RHOBTB2: variants seen among roughly 807,000 people sequenced by gnomAD.
The protein encoded by RHOBTB2 is rho-related BTB domain-containing protein 2.
A neutral mutation model predicts 66.5 loss-of-function variants in RHOBTB2; 39 were observed. The ratio of observed to expected loss-of-function variants is 0.59; its 90% CI spans 0.45 to 0.77. RHOBTB2 has a LOEUF of 0.77. Ranked by LOEUF, RHOBTB2 falls within the 30% of genes least tolerant of loss-of-function variation. RHOBTB2 has a pLI of 0.00. For missense variants in RHOBTB2, 755 were observed against 999.1 expected (o/e 0.76, Z 3.29); for synonymous variants, 390 against 395.0 (o/e 0.99, Z 0.15).
In RHOBTB2 at chr8:23,004,490, T is replaced by C. The variant is rs1810887469; in HGVS notation, c.56T>C (p.Val19Ala). Residue 19 changes from valine to alanine, a missense_variant, in exon 2 of 10, where the codon GTG becomes GCG. Physicochemically the swap from Val to Ala is moderately conservative, Grantham distance 64. Transcript: ENST00000251822. This position sits in a 1 kb window ranked among gnomAD's most constrained non-coding sequence, Gnocchi z 6.4. ...AACGTAGAGACCATCAAGTGCGTTG[T>C]GGTGGGGGACAACGCCGTGGGTAAG... ...RPNVETIKCV[V>A]VGDNAVGKTR... 3.7e-6 allele frequency: 6 copies of C among 1,614,224 alleles called. No homozygotes were observed. The Middle Eastern group carries it at 4.9e-4, about 133-fold the overall frequency.
chr8:22,953,485 C>A, the RHOBTB2 span, among the ~76,000 whole-genome samples: 64 of 152,350 alleles, frequency 4.2e-4, no homozygotes, highest in Non-Finnish European at 7.2e-4. Context: ...CAATATCAGA[C>A]CTTGCTCTTG....
intron 2 of RHOBTB2, among the ~76,000 whole-genome samples, chr8:22,992,852 G>A (rs1377343906): frequency 6.6e-6 from 1 of 152,228 alleles, no homozygotes; most frequent in Non-Finnish European, 1.5e-5. Flanking sequence ...TTCCTGGGAG[G>A]CAGGGCCAGG....
At position 23,017,494 on chromosome 8, in the gene RHOBTB2, T is replaced by C. The variant is rs774442733; in HGVS notation, c.*25T>C. On this transcript the variant is annotated 3_prime_UTR_variant, in exon 10 of 10. Coordinates refer to ENST00000251822, the MANE Select transcript of RHOBTB2 (RefSeq NM_015178.3). The surrounding 1 kb of genome is among the most constrained non-coding windows in gnomAD (Gnocchi z 5.3). ...AGATGCTGCCACCCTCTTCTGACCC[T>C]GCTGCTGTTGTCCCCATCCGCCTTC... The C allele has an allele frequency of 4.5e-6, 7 of 1,557,894 alleles. No individual in the cohort carries two copies. The highest frequency in any genetic ancestry group is 6.1e-6 in the Non-Finnish European group (7 of 1,151,120).
chr8:23,007,181 G>A lies in RHOBTB2; in HGVS notation c.936G>A (p.Gly312=). 1 of 1,604,078 alleles carries A rather than the reference G, an allele frequency of 6.2e-7. No homozygotes were observed. The highest frequency in any genetic ancestry group is 8.5e-7 in the Non-Finnish European group (1 of 1,178,580). Residue 312 remains glycine (G), a synonymous_variant, in exon 5 of 10, where the codon GGG becomes GGA. Coordinates refer to ENST00000251822, the MANE Select transcript of RHOBTB2 (RefSeq NM_015178.3). ...EGELGGPSEP[G]GTHPEDHQGH... ...AGCTGGGGGGCCCCTCGGAGCCAGGGGGCACCCACCCAGAGGACCACCAGG... is the reference window on the plus strand; with the variant it reads ...AGCTGGGGGGCCCCTCGGAGCCAGGAGGCACCCACCCAGAGGACCACCAGG...
At chr8:22,951,182 AATT>A in the RHOBTB2 span, among the ~76,000 whole-genome samples, 7 of 151,518 alleles carry the variant, frequency 4.6e-5, no homozygotes, top group African/African-American at 1.7e-4. Context: ...AAGGTTTAAA[AATT>A]TTTTTTTCCT....
rs908758954 is a variant in RHOBTB2 at position 23,006,239 on chromosome 8, C to T, written c.482+94C>T. Reference sequence around the variant, plus strand: ...GGGGGAATTCCACTGAGCCTCATATCTCTCCCTCCATTTGGAGCAAGCTTG... The same window carrying T: ...GGGGGAATTCCACTGAGCCTCATATTTCTCCCTCCATTTGGAGCAAGCTTG... On this transcript the variant is annotated intron_variant, in intron 4 of 9. Coordinates refer to ENST00000251822, the MANE Select transcript of RHOBTB2 (RefSeq NM_015178.3). The surrounding 1 kb of genome is among the most constrained non-coding windows in gnomAD (Gnocchi z 6.1). The T allele has an allele frequency of 9.3e-7, 1 of 1,079,814 alleles. No homozygotes were observed. Among genetic ancestry groups the T allele is most frequent in the Non-Finnish European group, 1.3e-6 (1 of 742,956 alleles). 66.9% of individuals were successfully genotyped at this position (1,079,814 alleles called of 1,614,324 possible).
rs1391215536 is a variant in RHOBTB2, at chr8:22,999,866, C to T, written c.-250C>T. ...GGCGATGCTGATCCGGAAGGGGCAG[C>T]GGCTGCAGTGCAGCGCGCGCGTCCG... On this transcript the variant is annotated 5_prime_UTR_variant, in exon 1 of 10. Coordinates refer to ENST00000251822, the MANE Select transcript of RHOBTB2 (RefSeq NM_015178.3). The T allele has an allele frequency of 6.9e-5, 68 of 984,858 alleles. No homozygotes were observed. Among genetic ancestry groups the T allele is most frequent in the Non-Finnish European group, 7.8e-5 (65 of 829,856 alleles). 61.0% of individuals were successfully genotyped at this position (984,858 alleles called of 1,614,324 possible).
chr8:22,971,994 G>A, the RHOBTB2 span, among the ~76,000 whole-genome samples: 1 of 152,150 alleles, frequency 6.6e-6, no homozygotes, highest in Admixed American at 6.5e-5. Flanking sequence ...CCTTGCACTT[G>A]AACTTGTATA....
At chr8:22,970,750 C>G in the RHOBTB2 span, among the ~76,000 whole-genome samples, 144 of 152,190 alleles carry the variant, frequency 9.5e-4, no homozygotes, top group African/African-American at 3.4e-3. Context: ...AGCCACTATG[C>G]CCGACCACAA....
rs142069460 is a variant in RHOBTB2 at position 23,015,505 on chromosome 8, G to T, written c.1861-133G>T. 3.1e-4 allele frequency: 189 copies of T among 616,358 alleles called. 1 individual carries two copies. The African/African-American group carries it at 3.3e-3, about 11-fold the overall frequency. 38.2% of individuals were successfully genotyped at this position (616,358 alleles called of 1,614,324 possible). A position where few individuals can be genotyped will look rare whatever the true frequency, so the allele number is the denominator to read the frequency against. On this transcript the variant is annotated intron_variant, in intron 8 of 9. Transcript: ENST00000251822. ...AGTTTTGTGTGGCCTTGCCTCTGGC[G>T]CAGGCTCTCTAGAACTGCAGGGCCT...
chr8:22,974,598 A>AT, the RHOBTB2 span, among the ~76,000 whole-genome samples: 5 of 152,130 alleles, frequency 3.3e-5, no homozygotes, highest in Non-Finnish European at 5.9e-5. Context: ...TCAGGGAGAG[A>AT]TTTCGGTTCC....
At chr8:22,954,885 A>G in the RHOBTB2 span, among the ~76,000 whole-genome samples, 1 of 152,164 alleles carries the variant, frequency 6.6e-6, no homozygotes, top group Non-Finnish European at 1.5e-5. Flanking sequence ...TAATCCCAAC[A>G]CTTTGGGAGG....
the RHOBTB2 span, among the ~76,000 whole-genome samples, chr8:22,965,898 G>A: frequency 6.6e-6 from 1 of 152,062 alleles, no homozygotes; most frequent in African/African-American, 2.4e-5. Flanking sequence ...AAAAAAGACA[G>A]ACAACAATAA....
chr8:23,019,222 GT>G lies in RHOBTB2; in HGVS notation c.*1754del, dbSNP rs969747107. On this transcript the variant is annotated 3_prime_UTR_variant, in exon 10 of 10. Transcript: ENST00000251822. ...GGGATTGAGCTAACCTGAAACAAAG[GT>G]AGCAGGCAGGACCTAATGACCAGAG... 2 of 152,422 alleles carry G rather than the reference GT, an allele frequency of 1.3e-5. No individual in the cohort carries two copies. Among genetic ancestry groups the G allele is most frequent in the African/African-American group, 4.8e-5 (2 of 41,456 alleles). The allele number at this position is 152,422 out of a possible 1,614,324, so 9.4% of individuals were successfully genotyped here. A position where few individuals can be genotyped will look rare whatever the true frequency, so the allele number is the denominator to read the frequency against.
rs374252613 is a variant in RHOBTB2 at position 23,014,677 on chromosome 8, G to A, written c.1772-13G>A. 3.8e-5 allele frequency: 62 copies of A among 1,611,402 alleles called. No homozygotes were observed. The African/African-American group carries it at 6.3e-4, about 16-fold the overall frequency. On this transcript the variant is annotated splice_polypyrimidine_tract_variant and intron_variant, in intron 7 of 9. Coordinates refer to ENST00000251822, the MANE Select transcript of RHOBTB2 (RefSeq NM_015178.3). ...GTGCTTCTTCAGCTGATTGGTGGCC[G>A]TGTGTGTTACAGAGCAGTACACAGT...
At chr8:23,005,767 C>A (rs2128803930) in intron 3 of RHOBTB2, among the ~76,000 whole-genome samples, 193 bp from the exon 4 acceptor site, 1 of 152,236 alleles carries the variant, frequency 6.6e-6, no homozygotes, top group East Asian at 1.9e-4. Context: ...AGCTGTGAGG[C>A]CAAAACAAGT....
the RHOBTB2 span, among the ~76,000 whole-genome samples, chr8:22,982,336 C>T: frequency 6.6e-6 from 1 of 152,326 alleles, no homozygotes; most frequent in East Asian, 1.9e-4. Context: ...TCAAATCTTT[C>T]TTGGCCAGGC....
At chr8:22,971,191 A>AT in the RHOBTB2 span, among the ~76,000 whole-genome samples, 2 of 150,358 alleles carry the variant, frequency 1.3e-5, no homozygotes, top group African/African-American at 2.4e-5. Flanking sequence ...CTTTTTCTGT[A>AT]TTTTTTTTTA....
intron 8 of RHOBTB2, among the ~76,000 whole-genome samples, chr8:23,015,267 T>C (rs1386155091): frequency 6.6e-6 from 1 of 152,164 alleles, no homozygotes; most frequent in Admixed American, 6.5e-5. Flanking sequence ...CCTTAGCTCA[T>C]TGTCAGTGCC....
Sources: allele counts gnomAD v4.1 joint callset (sites outside exome capture counted in the v4.1 genomes callset), GRCh38; gene constraint gnomAD v4.1.1; non-coding constraint Gnocchi (gnomAD v3.1); transcripts MANE v1.5; gene names NCBI Gene and HGNC (gene_info 2026-07-23, HGNC 2026-07-21).